Variants in KRT6C observed in about 807,000 individuals in gnomAD.
KRT6C encodes the protein keratin 6C, also known as keratin, type II cytoskeletal 6C.
In KRT6C, 46 loss-of-function variants were observed where a neutral mutation model predicts 49.4. The observed-to-expected ratio is 0.93, with a 90% CI of 0.74 to 1.19. The LOEUF is 1.19. KRT6C is among the 50% of genes most tolerant of loss of function. The pLI is 0.00. For missense variants in KRT6C, 552 were observed against 737.5 expected, an observed-to-expected ratio of 0.75 and a Z score of 2.91; for synonymous variants, 236 against 297.1, an observed-to-expected ratio of 0.79 and a Z score of 2.12.
chr12:52,470,438 G>A (rs1937854944), intron 6 of KRT6C, 67 bp downstream of exon 6: 1 of 1,612,534 alleles, frequency 6.2e-7, no homozygotes, highest in South Asian at 1.1e-5. Flanking sequence ...ATCAAATAAT[G>A]GCTAATGACT....
chr12:52,470,576 TG>T lies in KRT6C; in HGVS notation c.1131del (p.Lys378SerfsTer10). Reference sequence around the variant, plus strand: ...CGGTTGATCTCAGCAATCTCCTGCTTGGTGTTGCGCAGGTCGTCCCCATGTC... The same window carrying T: ...CGGTTGATCTCAGCAATCTCCTGCTTGTGTTGCGCAGGTCGTCCCCATGTC... ...AGRHGDDLRN[T>X]KQEIAEINRM... is the part of the protein sequence containing the mutation. On this transcript the variant is annotated frameshift_variant, in exon 6 of 9. Coordinates refer to ENST00000252250, the MANE Select transcript of KRT6C (RefSeq NM_173086.5). LOFTEE classifies it high-confidence loss of function. 6.2e-7 allele frequency: 1 copy of T among 1,614,052 alleles called. No homozygotes were observed. The highest frequency in any genetic ancestry group is 1.1e-5 in the South Asian group (1 of 91,068).
chr12:52,470,598 A>G lies in KRT6C; in HGVS notation c.1110T>C (p.His370=), dbSNP rs201846617. The G allele has an allele frequency of 4.3e-6, 7 of 1,613,968 alleles. No individual in the cohort carries two copies. The highest frequency in any genetic ancestry group is 5.1e-6 in the Non-Finnish European group (6 of 1,180,002). ...GCTTGGTGTTGCGCAGGTCGTCCCC[A>G]TGTCTGCCTGCTGTGACCTGCAGCT... ...YEELQVTAGR[H]GDDLRNTKQE... is the part of the protein sequence containing the mutation. The change falls in exon 6 of 9, where the codon CAT becomes CAC. Residue 370 remains histidine, a synonymous_variant. Transcript: ENST00000252250.
intron 8 of KRT6C, 27 bp downstream of exon 8, chr12:52,469,384 G>C: frequency 6.2e-7 from 1 of 1,614,028 alleles, no homozygotes; most frequent in Non-Finnish European, 8.5e-7. Flanking sequence ...GCGAGGGCAG[G>C]GGAGGAAGGC....
rs142144008 is a variant in KRT6C at position 52,471,150 on chromosome 12, C to T, written c.1059G>A (p.Glu353=). The part of the protein sequence containing the change: ...EIAQRSRAEA[E]SWYQTKYEEL... ...TGCTCACCTTGGTCTGGTACCAGGA[C>T]TCAGCCTCAGCCCGGCTCCTCTGAG... The change falls in exon 5 of 9, where the codon GAG becomes GAA. Residue 353 remains glutamate, a synonymous_variant. Coordinates refer to ENST00000252250, the MANE Select transcript of KRT6C (RefSeq NM_173086.5). 11 of 1,614,076 alleles carry T rather than the reference C, an allele frequency of 6.8e-6. No homozygotes were observed. In the African/African-American group the frequency reaches 1.5e-4, roughly 22 times the overall value.
Position 52,471,160 on chromosome 12 carries a change from G to GCC in KRT6C, c.1047_1048dup (p.Ala350GlyfsTer39). On this transcript the variant is annotated frameshift_variant, in exon 5 of 9. Coordinates refer to ENST00000252250, the MANE Select transcript of KRT6C (RefSeq NM_173086.5). LOFTEE classifies it high-confidence loss of function. ...GGTCTGGTACCAGGACTCAGCCTCA[G>GCC]CCCGGCTCCTCTGAGCAATCTCCTC... The GCC allele has an allele frequency of 6.2e-7, 1 of 1,614,154 alleles. No individual in the cohort carries two copies. The highest frequency in any genetic ancestry group is 2.2e-5 in the East Asian group (1 of 44,866).
intron 2 of KRT6C, 29 bp from the exon 3 acceptor site, chr12:52,471,761 T>C (rs573129333): frequency 7.4e-6 from 12 of 1,613,718 alleles, no homozygotes; most frequent in Non-Finnish European, 1.0e-5. Flanking sequence ...AGGACACATA[T>C]GAGCCAGTGG....
intron 6 of KRT6C, 183 bp downstream of exon 6, chr12:52,470,322 G>A: frequency 9.2e-7 from 1 of 1,086,684 alleles, no homozygotes. Flanking sequence ...TTGTGCCTCA[G>A]AGGCTCATCC....
chr12:52,471,356 C>A (rs2121518006), intron 4 of KRT6C, 60 bp from the exon 5 acceptor site: 1 of 1,614,168 alleles, frequency 6.2e-7, no homozygotes, highest in East Asian at 2.2e-5. Context: ...GATACCCAAC[C>A]CTATACATCT....
At chr12:52,473,094 T>C in intron 1 of KRT6C, 104 bp downstream of exon 1, 2 of 1,305,930 alleles carry the variant, frequency 1.5e-6, no homozygotes, top group Non-Finnish European at 2.2e-6. Flanking sequence ...AGAGCTGGGC[T>C]GAATCCCCTT....
In KRT6C at chr12:52,469,190, T is replaced by C. The variant is rs112885852; in HGVS notation, c.1567A>G (p.Ile523Val). 159 of 1,613,922 alleles carry C rather than the reference T, an allele frequency of 9.9e-5. No homozygotes were observed. Among genetic ancestry groups the C allele is most frequent in the African/African-American group, 5.2e-4 (39 of 75,036 alleles). Reference sequence around the variant, plus strand: ...CTGCTGGAACTGAAGCCACCTCCAATGCCAAGACCACTGCCATAGGAGTAG... The same window carrying C: ...CTGCTGGAACTGAAGCCACCTCCAACGCCAAGACCACTGCCATAGGAGTAG... Reference protein sequence around the residue: ...SSYSYGSGLGIGGGFSSSSGR... With the variant: ...SSYSYGSGLGVGGGFSSSSGR... The change falls in exon 9 of 9, where the codon ATT becomes GTT. Residue 523 changes from isoleucine to valine, a missense_variant. Ile to Val is a conservative substitution (Grantham distance 29, BLOSUM62 3). Coordinates refer to ENST00000252250, the MANE Select transcript of KRT6C (RefSeq NM_173086.5).
Position 52,471,513 on chromosome 12 carries a change from C to T in KRT6C, c.820G>A (p.Val274Met). ...ACCTTGTTCATGTAGGCAGCATCCA[C>T]ATCCTGGGGAAAGAGCCAACAACCT... Reference protein sequence around the residue: ...ENEFVTLKKDVDAAYMNKVEL... With the variant: ...ENEFVTLKKDMDAAYMNKVEL... Residue 274 changes from valine (V) to methionine (M), a missense_variant, in exon 4 of 9, where the codon GTG becomes ATG. Val to Met is a conservative substitution (Grantham distance 21). Around this residue, in one of 3 missense-constraint regions of KRT6C, gnomAD observed 425 missense variants for 439.4 expected, o/e 0.97. Transcript: ENST00000252250. 1 of 1,613,558 alleles carries T rather than the reference C, an allele frequency of 6.2e-7. No individual in the cohort carries two copies. The highest frequency in any genetic ancestry group is 8.5e-7 in the Non-Finnish European group (1 of 1,179,794).
chr12:52,469,065 G>C lies in KRT6C; in HGVS notation c.1692C>G (p.His564Gln). ...ACCGAGAGCTGGAGGCAGCACTTTA[G>C]TGCTTGTAGCTCTTCCTGCTGGAGG... Reference protein sequence around the residue: ...TSSSSRKSYKH With the variant: ...TSSSSRKSYKQ Residue 564 changes from histidine (H) to glutamine (Q), a missense_variant, in exon 9 of 9, where the codon CAC becomes CAG. This residue lies in a region of KRT6C where 425 missense variants were observed against 439.4 expected (regional missense o/e 0.97). Coordinates refer to ENST00000252250, the MANE Select transcript of KRT6C (RefSeq NM_173086.5). 6.2e-7 allele frequency: 1 copy of C among 1,614,142 alleles called. No individual in the cohort carries two copies. The highest frequency in any genetic ancestry group is 8.5e-7 in the Non-Finnish European group (1 of 1,180,008).
At chr12:52,470,058 AG>A in intron 6 of KRT6C, 168 bp from the exon 7 acceptor site, 1 of 819,832 alleles carries the variant, frequency 1.2e-6, no homozygotes, top group South Asian at 1.6e-5. Context: ...CTGGGAGTCA[AG>A]TGACAAAGTC....
Position 52,471,433 on chromosome 12 carries a change from G to A in KRT6C, c.900C>T (p.Ala300=), listed in dbSNP as rs751329893. 66 of 1,613,820 alleles carry A rather than the reference G, an allele frequency of 4.1e-5. No individual in the cohort carries two copies. Among genetic ancestry groups the A allele is most frequent in the Non-Finnish European group, 5.3e-5 (63 of 1,179,902 alleles). The change falls in exon 4 of 9, where the codon GCC becomes GCT. Residue 300 remains alanine (A), a synonymous_variant. Transcript: ENST00000252250. Reference sequence around the variant, plus strand: ...TGGAGATGCTTACTGCATCATACAAGGCTCTCAGGAAGTTGATCTCATCTG... The same window carrying A: ...TGGAGATGCTTACTGCATCATACAAAGCTCTCAGGAAGTTGATCTCATCTG... ...TLTDEINFLR[A]LYDAELSQMQ...
intron 5 of KRT6C, 29 bp from the exon 6 acceptor site, chr12:52,470,659 G>T (rs773234430): frequency 4.9e-5 from 79 of 1,613,682 alleles, no homozygotes; most frequent in Non-Finnish European, 6.0e-5. Flanking sequence ...GAGAGAGACA[G>T]TGTCTACGGG....
At position 52,471,305 on chromosome 12, in the gene KRT6C, C is replaced by T. The variant is rs1360935744; in HGVS notation, c.913-9G>A. The T allele has an allele frequency of 1.9e-6, 3 of 1,614,218 alleles. No individual in the cohort carries two copies. The highest frequency in any genetic ancestry group is 2.5e-6 in the Non-Finnish European group (3 of 1,180,046). ...TGCATCTGGGACAGCTCCTGCAGAA[C>T]AGAAGGTCATAAGATCAACTTCACA... is the stretch of plus-strand genomic sequence containing the variant. On this transcript the variant is annotated splice_polypyrimidine_tract_variant and intron_variant, in intron 4 of 8. Coordinates refer to ENST00000252250, the MANE Select transcript of KRT6C (RefSeq NM_173086.5).
At chr12:52,472,611 T>A (rs1244992225) in intron 1 of KRT6C, among the ~76,000 whole-genome samples, 1 of 135,532 alleles carries the variant, frequency 7.4e-6, no homozygotes, top group Non-Finnish European at 1.7e-5. Context: ...GTACACAGTT[T>A]TTTTACTGAT....
At position 52,468,878 on chromosome 12, in the gene KRT6C, C is replaced by T. The variant is rs1260778880; in HGVS notation, c.*184G>A. 4 of 672,208 alleles carry T rather than the reference C, an allele frequency of 6.0e-6. No individual in the cohort carries two copies. In the Admixed American group the frequency reaches 8.7e-5, roughly 15 times the overall value. 41.6% of individuals were successfully genotyped at this position (672,208 alleles called of 1,614,324 possible). On this transcript the variant is annotated 3_prime_UTR_variant, in exon 9 of 9. Transcript: ENST00000252250. ...AATCAAAGGTTGATCTGATGGTGAG[C>T]AATGGGTGCTCAGATGGGGCAGGTA...
In KRT6C at chr12:52,471,256, A is replaced by G. The variant is rs1384884934; in HGVS notation, c.953T>C (p.Val318Ala). 3 of 1,614,080 alleles carry G rather than the reference A, an allele frequency of 1.9e-6. No individual in the cohort carries two copies. Residue 318 changes from valine to alanine, a missense_variant, in exon 5 of 9, where the codon GTG (valine) becomes GCG (alanine). By Grantham distance (64) the Val-to-Ala change is moderately conservative (BLOSUM62 0). Transcript: ENST00000252250. Reference sequence around the variant, plus strand: ...GCGGTTGTTGTCCATGGATAGCACCACGGATGTGTCTGAGATGTGGGTCTG... The same window carrying G: ...GCGGTTGTTGTCCATGGATAGCACCGCGGATGTGTCTGAGATGTGGGTCTG... ...QMQTHISDTS[V>A]VLSMDNNRNL...
Sources: gnomAD v4.1 joint callset for allele counts (sites outside exome capture counted in the v4.1 genomes callset) on GRCh38, gnomAD v4.1.1 for gene constraint, gnomAD v4.1.1 regional missense constraint, MANE v1.5 for transcripts, NCBI Gene and HGNC (gene_info 2026-07-23, HGNC 2026-07-21) for gene names.